ATAD2B: variants seen among roughly 807,000 people sequenced by gnomAD.
ATAD2B encodes the protein ATPase family AAA domain containing 2B.
ATAD2B carries 40 observed loss-of-function variants against 167.6 expected under a neutral mutation model. That is an observed-to-expected ratio of 0.24 (90% CI 0.19 to 0.31). The LOEUF is 0.31. ATAD2B is among the 10% of genes least tolerant of loss of function. ATAD2B has a pLI of 1.00. For missense variants in ATAD2B, 1,242 were observed against 1,757.2 expected, an observed-to-expected ratio of 0.71 and a Z score of 5.24; for synonymous variants, 579 against 596.5, an observed-to-expected ratio of 0.97 and a Z score of 0.43.
chr2:23,684,540 T>TTGCC, the ATAD2B span: 1 of 1,543,546 alleles, frequency 6.5e-7, no homozygotes, highest in Non-Finnish European at 8.7e-7. This position sits in a 1 kb window ranked among gnomAD's most constrained non-coding sequence, Gnocchi z 4.4. Flanking sequence ...ATTCAAAGGT[T>TTGCC]TGCCTTCCTT....
At chr2:23,737,889 C>G in the ATAD2B span, among the ~76,000 whole-genome samples, 3 of 152,090 alleles carry the variant, frequency 2.0e-5, no homozygotes, top group Non-Finnish European at 4.4e-5. Flanking sequence ...GGCACGAGAG[C>G]TACGTGACGA....
rs1675149387 is a variant in ATAD2B, at chr2:23,749,706, C to T, written c.*2340G>A. ...AGGTTGCCTCCAATTTCTCCATCTA[C>T]ATTACGGTTAAAAAAACAAACAAAC... On this transcript the variant is annotated 3_prime_UTR_variant, in exon 28 of 28. Coordinates refer to ENST00000238789, the MANE Select transcript of ATAD2B (RefSeq NM_017552.4). The T allele has an allele frequency of 6.6e-6, 1 of 152,058 alleles. No homozygotes were observed. The highest frequency in any genetic ancestry group is 2.4e-5 in the African/African-American group (1 of 41,414). 9.4% of individuals were successfully genotyped at this position (152,058 alleles called of 1,614,324 possible).
chr2:23,873,240 G>GA, intron 8 of ATAD2B, among the ~76,000 whole-genome samples: 1 of 152,172 alleles, frequency 6.6e-6, no homozygotes, highest in Non-Finnish European at 1.5e-5. Context: ...GTTGGTGGGA[G>GA]AAAAGTTGTA....
chr2:23,757,499 C>T lies in ATAD2B; in HGVS notation c.3997G>A (p.Glu1333Lys). 6.4e-7 allele frequency: 1 copy of T among 1,565,594 alleles called. No homozygotes were observed. Among genetic ancestry groups the T allele is most frequent in the East Asian group, 2.2e-5 (1 of 44,446 alleles). The change falls in exon 25 of 28, where the codon GAG becomes AAG. Residue 1333 changes from glutamate to lysine, a missense_variant. This residue lies in a region of ATAD2B where 282 missense variants were observed against 346.8 expected (regional missense o/e 0.81). Transcript: ENST00000238789. ...ENHGDDLEKL[E>K]ALECSNNEKL... ...TCATTATTGCTACATTCCAGTGCCT[C>T]TAGTTTCTCAAGATCATCTCCATGA...
At position 23,810,202 on chromosome 2, in the gene ATAD2B, T is replaced by C. The variant is rs1440042129; in HGVS notation, c.2454+114A>G. 7.7e-6 allele frequency: 7 copies of C among 912,086 alleles called. No individual in the cohort carries two copies. The East Asian group carries it at 1.8e-4, about 24-fold the overall frequency. The allele number at this position is 912,086 out of a possible 1,614,324, so 56.5% of individuals were successfully genotyped here. A position where few individuals can be genotyped will look rare whatever the true frequency, so the allele number is the denominator to read the frequency against. ...TGCTAATGAATAATCAACAAAAAGT[T>C]AATATTCATATCGTACTCTGAAAAA... On this transcript the variant is annotated intron_variant, in intron 18 of 27. Coordinates refer to ENST00000238789, the MANE Select transcript of ATAD2B (RefSeq NM_017552.4).
chr2:23,717,482 A>G, the ATAD2B span, among the ~76,000 whole-genome samples: 1 of 152,162 alleles, frequency 6.6e-6, no homozygotes, highest in South Asian at 2.1e-4. Flanking sequence ...AAAAACAAAG[A>G]AAAAAGAGGT....
chr2:23,850,660 C>T (rs1381796588), intron 13 of ATAD2B, among the ~76,000 whole-genome samples: 1 of 151,846 alleles, frequency 6.6e-6, no homozygotes, highest in Non-Finnish European at 1.5e-5. Flanking sequence ...GAGGGCTCTG[C>T]AGGGCAGAAG....
intron 13 of ATAD2B, among the ~76,000 whole-genome samples, chr2:23,841,363 T>C (rs752546894): frequency 1.9e-4 from 29 of 152,202 alleles, no homozygotes; most frequent in Non-Finnish European, 3.5e-4. Context: ...ATACCAACTG[T>C]TAGTATTTAC....
chr2:23,743,617 C>T, the ATAD2B span, among the ~76,000 whole-genome samples: 2 of 150,298 alleles, frequency 1.3e-5, no homozygotes, highest in Non-Finnish European at 3.0e-5. Flanking sequence ...AACTGAGGAA[C>T]AAACTAGTTT....
At chr2:23,833,175 G>T (rs907331369) in intron 14 of ATAD2B, among the ~76,000 whole-genome samples, 2 of 152,124 alleles carry the variant, frequency 1.3e-5, no homozygotes, top group African/African-American at 4.8e-5. Flanking sequence ...GTTTCTCTAT[G>T]GTCTTCCATA....
intron 8 of ATAD2B, among the ~76,000 whole-genome samples, chr2:23,873,669 G>T (rs186044794): frequency 5.3e-5 from 8 of 152,288 alleles, no homozygotes; most frequent in African/African-American, 1.9e-4. Context: ...TTTTCGAGGT[G>T]TGGTTGGTTG....
Position 23,824,719 on chromosome 2 carries a change from TA to T in ATAD2B, c.1820-1151del, listed in dbSNP as rs140056059. On this transcript the variant is annotated intron_variant, in intron 15 of 27. Coordinates refer to ENST00000238789, the MANE Select transcript of ATAD2B (RefSeq NM_017552.4). ...ACAACAGATCAAGCCCCACTGTTTT[TA>T]AGTCATTTCATTCATCTGAGTAACA... Among the ~76,000 whole-genome samples the T allele has an allele frequency of 3.4e-3, 511 of 152,344 alleles. 3 individuals are homozygous for T. Among genetic ancestry groups the T allele is most frequent in the African/African-American group, 0.012 (494 of 41,580 alleles).
At chr2:23,810,950 G>A (rs1187375239) in intron 17 of ATAD2B, among the ~76,000 whole-genome samples, 1 of 151,958 alleles carries the variant, frequency 6.6e-6, no homozygotes, top group Non-Finnish European at 1.5e-5. Flanking sequence ...GGCGAAGGTT[G>A]CAGTGAGCCG....
At chr2:23,796,837 CAT>C (rs767637172) in intron 19 of ATAD2B, among the ~76,000 whole-genome samples, 14 of 152,136 alleles carry the variant, frequency 9.2e-5, no homozygotes, top group South Asian at 2.1e-4. Flanking sequence ...TTATTATCCA[CAT>C]GTTATAGATG....
At chr2:23,912,579 A>T (rs1385206855) in intron 1 of ATAD2B, among the ~76,000 whole-genome samples, 3 of 152,228 alleles carry the variant, frequency 2.0e-5, no homozygotes, top group Non-Finnish European at 4.4e-5. Flanking sequence ...TAACCAATGG[A>T]TGAAAGAAGA....
At chr2:23,921,220 AAAAAAAAAAAC>A (rs1703883168) in intron 1 of ATAD2B, among the ~76,000 whole-genome samples, 1 of 150,704 alleles carries the variant, frequency 6.6e-6, no homozygotes, top group Non-Finnish European at 1.5e-5. Context: ...AAAAAAAAAA[AAAAAAAAAAAC>A]AACCCAAAGA....
chr2:23,867,071 T>G (rs969897318), intron 10 of ATAD2B, among the ~76,000 whole-genome samples: 1 of 152,190 alleles, frequency 6.6e-6, no homozygotes, highest in African/African-American at 2.4e-5. Flanking sequence ...GTCCAGGTAT[T>G]TCTCCTTAAT....
intron 1 of ATAD2B, among the ~76,000 whole-genome samples, chr2:23,916,786 C>T (rs975303590): frequency 2.0e-5 from 3 of 152,144 alleles, no homozygotes; most frequent in Admixed American, 1.3e-4. Context: ...TGGCCCCTCT[C>T]TAAAACCCAC....
At chr2:23,847,948 G>A (rs1349664850) in intron 13 of ATAD2B, among the ~76,000 whole-genome samples, 3 of 145,424 alleles carry the variant, frequency 2.1e-5, no homozygotes, top group Admixed American at 1.4e-4. Flanking sequence ...AGCCGAGATC[G>A]CACCACTGCA....
Sources: gnomAD v4.1 joint callset for allele counts (sites outside exome capture counted in the v4.1 genomes callset) on GRCh38, gnomAD v4.1.1 for gene constraint, gnomAD v4.1.1 regional missense constraint, Gnocchi (gnomAD v3.1) non-coding constraint, MANE v1.5 for transcripts, NCBI Gene and HGNC (gene_info 2026-07-23, HGNC 2026-07-21) for gene names.